The following ZDHHC7 variants were observed in gnomAD, a reference collection of about 807,000 sequenced individuals.
ZDHHC7 encodes the protein zDHHC palmitoyltransferase 7, also known as palmitoyltransferase ZDHHC7.
In ZDHHC7, 12 loss-of-function variants were observed where a neutral mutation model predicts 34.1. That is an observed-to-expected ratio of 0.35 (90% CI 0.23 to 0.57). The LOEUF is 0.57. Ranked by LOEUF, ZDHHC7 falls within the 20% of genes least tolerant of loss-of-function variation. The pLI, the probability that ZDHHC7 is intolerant of heterozygous loss-of-function variation, is 0.84. For missense variants in ZDHHC7, 388 were observed against 402.7 expected (o/e 0.96, Z 0.31); for synonymous variants, 185 against 155.4 (o/e 1.19, Z -1.42).
At chr16:84,994,696 C>A (rs1281431379) in intron 2 of ZDHHC7, among the ~76,000 whole-genome samples, 3 of 152,130 alleles carry the variant, frequency 2.0e-5, no homozygotes, top group African/African-American at 7.2e-5. Context: ...CCACAGACAC[C>A]AAACACTGGC....
chr16:84,985,643 A>C (rs191323952), intron 3 of ZDHHC7, among the ~76,000 whole-genome samples: 1 of 152,176 alleles, frequency 6.6e-6, no homozygotes, highest in East Asian at 1.9e-4. Context: ...TCCTGATTCA[A>C]GGGAAAAAAA....
chr16:84,991,419 G>A (rs1219856389), intron 2 of ZDHHC7, among the ~76,000 whole-genome samples: 1 of 151,852 alleles, frequency 6.6e-6, no homozygotes, highest in East Asian at 1.9e-4. Flanking sequence ...CCGAGTAGCT[G>A]GGATTACAGG....
intron 5 of ZDHHC7, 143 bp downstream of exon 5, chr16:84,979,046 C>T (rs1567492064): frequency 1.3e-6 from 1 of 745,220 alleles, no homozygotes; most frequent in Non-Finnish European, 2.1e-6. Flanking sequence ...CTGCCAATGA[C>T]AGCACAGTAT....
At chr16:84,997,983 A>C (rs962160105) in intron 1 of ZDHHC7, among the ~76,000 whole-genome samples, 1 of 151,424 alleles carries the variant, frequency 6.6e-6, no homozygotes, top group African/African-American at 2.4e-5. Context: ...AATGTAAAAT[A>C]AAATTAGAAG....
intron 1 of ZDHHC7, among the ~76,000 whole-genome samples, chr16:84,998,036 G>T (rs112514575): frequency 2.1e-3 from 310 of 150,718 alleles, no homozygotes; most frequent in African/African-American, 7.3e-3. Flanking sequence ...CGAGGCGGGC[G>T]GATCACGAGA....
intron 3 of ZDHHC7, among the ~76,000 whole-genome samples, chr16:84,989,032 G>A (rs2072474395): frequency 6.6e-6 from 1 of 152,160 alleles, no homozygotes; most frequent in Non-Finnish European, 1.5e-5. Flanking sequence ...TCAGGAGCAG[G>A]GTCTGGCTCC....
chr16:84,987,777 G>A (rs899847283), intron 3 of ZDHHC7, among the ~76,000 whole-genome samples: 1 of 152,186 alleles, frequency 6.6e-6, no homozygotes, highest in Non-Finnish European at 1.5e-5. Context: ...TAAACCAAAT[G>A]AAGCACTGAT....
At position 85,000,579 on chromosome 16, in the gene ZDHHC7, A is replaced by G. The variant is rs138568641; in HGVS notation, c.-103-4572T>C. ...GTCTGGTATCCATGTTTATATTAAA[A>G]TACTATTTAAACTTGTCGTTGCTTT... On this transcript the variant is annotated intron_variant, in intron 1 of 7. Coordinates refer to ENST00000313732, the MANE Select transcript of ZDHHC7 (RefSeq NM_017740.3). Among the ~76,000 whole-genome samples, 51 of 152,320 alleles carry G rather than the reference A, an allele frequency of 3.3e-4. 1 individual carries two copies. In the East Asian group the frequency reaches 9.3e-3, roughly 28 times the overall value.
At chr16:84,993,706 A>G (rs1246289229) in intron 2 of ZDHHC7, among the ~76,000 whole-genome samples, 1 of 152,218 alleles carries the variant, frequency 6.6e-6, no homozygotes, top group African/African-American at 2.4e-5. Context: ...AATAGAAAAA[A>G]CTAAAGATCA....
intron 3 of ZDHHC7, among the ~76,000 whole-genome samples, chr16:84,988,448 A>G (rs2072465814): frequency 6.6e-6 from 1 of 152,182 alleles, no homozygotes; most frequent in African/African-American, 2.4e-5. Flanking sequence ...AAGATCTCCA[A>G]CTTCTCCCTC....
chr16:84,976,649 C>A (rs940119195), intron 7 of ZDHHC7, 130 bp from the exon 8 acceptor site: 1 of 1,283,782 alleles, frequency 7.8e-7, no homozygotes, highest in Non-Finnish European at 1.1e-6. Flanking sequence ...ACTCTCCTTC[C>A]CAGCTCTGCC....
At chr16:85,008,130 A>G (rs1197387012) in intron 1 of ZDHHC7, among the ~76,000 whole-genome samples, 1 of 152,028 alleles carries the variant, frequency 6.6e-6, no homozygotes, top group African/African-American at 2.4e-5. Context: ...AACAAACAAA[A>G]AACAATTTAA....
At chr16:85,016,068 C>T (rs1015088070), upstream of ZDHHC7, among the ~76,000 whole-genome samples, 12 of 152,192 alleles carry the variant, frequency 7.9e-5, no homozygotes, top group Admixed American at 5.9e-4. Context: ...CCCCCAACCA[C>T]GTCATGGCCT....
At chr16:85,025,564 C>A in the ZDHHC7 span, among the ~76,000 whole-genome samples, 1 of 152,170 alleles carries the variant, frequency 6.6e-6, no homozygotes, top group African/African-American at 2.4e-5. Context: ...CACCTGCCAC[C>A]ATGCCCAGCT....
At chr16:84,985,981 T>G (rs1256032638) in intron 3 of ZDHHC7, among the ~76,000 whole-genome samples, 1 of 135,270 alleles carries the variant, frequency 7.4e-6, no homozygotes, top group Admixed American at 7.6e-5. Context: ...AAAAAAGAAT[T>G]GAGACAATTG....
chr16:84,983,899 G>A (rs2072402792), intron 3 of ZDHHC7, among the ~76,000 whole-genome samples: 3 of 150,682 alleles, frequency 2.0e-5, no homozygotes, highest in Admixed American at 2.0e-4. Flanking sequence ...CTACTCGGGA[G>A]GGTGAGGCAG....
At chr16:84,984,545 C>T (rs182297708) in intron 3 of ZDHHC7, among the ~76,000 whole-genome samples, 4 of 152,310 alleles carry the variant, frequency 2.6e-5, no homozygotes, top group Admixed American at 2.6e-4. Flanking sequence ...GCACGATACA[C>T]TTCTGGAAAG....
At chr16:85,023,174 T>C in the ZDHHC7 span, among the ~76,000 whole-genome samples, 1 of 151,378 alleles carries the variant, frequency 6.6e-6, no homozygotes, top group Non-Finnish European at 1.5e-5. Flanking sequence ...TTTTCTTTTT[T>C]TTTTTTTTTT....
chr16:84,986,426 C>T (rs183350626), intron 3 of ZDHHC7, among the ~76,000 whole-genome samples: 82 of 152,306 alleles, frequency 5.4e-4, no homozygotes, highest in Non-Finnish European at 6.8e-4. Context: ...GGACAGCAGT[C>T]GCGGCCCCAT....
Sources: allele counts gnomAD v4.1 joint callset (sites outside exome capture counted in the v4.1 genomes callset), GRCh38; gene constraint gnomAD v4.1.1; transcripts MANE v1.5; gene names NCBI Gene and HGNC (gene_info 2026-07-23, HGNC 2026-07-21).